The following MGAT4C variants were observed in gnomAD, a reference collection of about 807,000 sequenced individuals.
MGAT4C encodes the protein alpha-1,3-mannosyl-glycoprotein 4-beta-N-acetylglucosaminyltransferase C.
Under a neutral mutation model 40.1 loss-of-function variants are expected in MGAT4C, and 19 were observed. That is an observed-to-expected ratio of 0.47 (90% confidence interval 0.33 to 0.70). The LOEUF (loss-of-function observed/expected upper bound fraction) is 0.70. Among genes scored for constraint, MGAT4C ranks in the 30% least tolerant of loss-of-function variants. MGAT4C has a pLI of 0.02. For synonymous variants in MGAT4C, 181 were observed against 187.1 expected (o/e 0.97, Z 0.27); for missense variants, 491 against 563.2 (o/e 0.87, Z 1.30).
intron 1 of MGAT4C, among the ~76,000 whole-genome samples, chr12:86,763,895 G>C (rs551448922): frequency 6.6e-6 from 1 of 152,126 alleles, no homozygotes; most frequent in Non-Finnish European, 1.5e-5. Context: ...CAAGACGGCC[G>C]AATAGGAACA....
At chr12:86,333,974 C>A (rs1482006179) in intron 4 of MGAT4C, 1 of 152,078 alleles carries the variant, frequency 6.6e-6, no homozygotes, top group Non-Finnish European at 1.5e-5. Flanking sequence ...TCAAGACTAT[C>A]TCATTATATA....
intron 3 of MGAT4C, among the ~76,000 whole-genome samples, chr12:86,371,049 T>C (rs1384244210): frequency 6.6e-6 from 1 of 152,054 alleles, no homozygotes; most frequent in African/African-American, 2.4e-5. Flanking sequence ...GGAAATAAAA[T>C]TCATACTGAG....
At chr12:86,432,115 A>T (rs1957050670) in intron 3 of MGAT4C, among the ~76,000 whole-genome samples, 1 of 152,156 alleles carries the variant, frequency 6.6e-6, no homozygotes, top group South Asian at 2.1e-4. Flanking sequence ...ATACTATCTC[A>T]AAAAGAATTG....
intron 2 of MGAT4C, among the ~76,000 whole-genome samples, chr12:86,007,519 GT>G (rs1188433485): frequency 6.6e-6 from 1 of 151,986 alleles, no homozygotes; most frequent in Non-Finnish European, 1.5e-5. Flanking sequence ...TATAATGAAT[GT>G]GCCATTTAAA....
rs61950762 is a variant in MGAT4C at position 86,472,896 on chromosome 12, C to T, written c.-228-37631G>A. 5.4e-4 allele frequency among the ~76,000 whole-genome samples: 82 copies of T among 151,906 alleles called. 1 individual carries two copies. The highest frequency in any genetic ancestry group is 1.6e-3 in the African/African-American group (67 of 41,426). On this transcript the variant is annotated intron_variant, in intron 2 of 7. Transcript: ENST00000548651. ...CAGGAAGAATGTCTTATTGTTAGTA[C>T]GGAAGAGAAATAAAATGAGAAAGAG...
chr12:86,398,370 A>G (rs1414142955), intron 3 of MGAT4C, among the ~76,000 whole-genome samples: 1 of 152,176 alleles, frequency 6.6e-6, no homozygotes, highest in Non-Finnish European at 1.5e-5. Flanking sequence ...CCATCTCAAC[A>G]TGCTTAATTT....
At position 86,774,315 on chromosome 12, in the gene MGAT4C, C is replaced by CTTTCTTTCTTTCTTTCTT. The variant is rs1555227765; in HGVS notation, c.-261-47092_-261-47075dup. Among the ~76,000 whole-genome samples, 567 of 59,386 alleles carry CTTTCTTTCTTTCTTTCTT rather than the reference C, an allele frequency of 9.5e-3. 44 individuals carry two copies. Among genetic ancestry groups the CTTTCTTTCTTTCTTTCTT allele is most frequent in the Middle Eastern group, 0.036 (5 of 140 alleles). 39.0% of individuals were successfully genotyped at this position (59,386 alleles called of 152,430 possible). ...TCTTTCTTTCTTTCTTTCTTTCTTT[C>CTTTCTTTCTTTCTTTCTT]TTTCTTTCTTTCTTTCTTTCTTTCT... is the stretch of plus-strand genomic sequence containing the variant. On this transcript the variant is annotated intron_variant, in intron 1 of 7. Transcript: ENST00000548651.
At chr12:86,442,967 G>T (rs575674674) in intron 2 of MGAT4C, among the ~76,000 whole-genome samples, 1 of 151,974 alleles carries the variant, frequency 6.6e-6, no homozygotes, top group Non-Finnish European at 1.5e-5. Flanking sequence ...AGTTTTTAGC[G>T]ATAAGGTATT....
intron 2 of MGAT4C, among the ~76,000 whole-genome samples, chr12:86,437,645 T>C (rs192463248): frequency 1.3e-5 from 2 of 152,030 alleles, no homozygotes; most frequent in Non-Finnish European, 2.9e-5. Flanking sequence ...TAACCCTGCA[T>C]TGAATAAATT....
Position 86,439,463 on chromosome 12 carries a change from G to A in MGAT4C, c.-228-4198C>T, listed in dbSNP as rs1330899507. ...TGACACAAGTTATCAAAACCTCTGT[G>A]ATACTGCAAACGCAATGCTAAGAGG... On this transcript the variant is annotated intron_variant, in intron 2 of 7. Coordinates refer to the MGAT4C transcript ENST00000548651. Among the ~76,000 whole-genome samples the A allele has an allele frequency of 2.0e-5, 3 of 151,980 alleles. No individual in the cohort carries two copies. The East Asian group carries it at 5.8e-4, about 29-fold the overall frequency.
At chr12:86,587,693 T>A (rs1961117674) in intron 2 of MGAT4C, among the ~76,000 whole-genome samples, 1 of 151,884 alleles carries the variant, frequency 6.6e-6, no homozygotes, top group Non-Finnish European at 1.5e-5. Context: ...CCTAGGTATT[T>A]TATTCTCTTT....
At chr12:86,279,609 C>CT (rs1177760921) in intron 4 of MGAT4C, among the ~76,000 whole-genome samples, 4 of 149,738 alleles carry the variant, frequency 2.7e-5, no homozygotes, top group Admixed American at 6.6e-5. Context: ...TTTTGTTGAT[C>CT]TTTTTTATTG....
chr12:86,071,175 A>G (rs906936410), intron 1 of MGAT4C, among the ~76,000 whole-genome samples: 3 of 152,198 alleles, frequency 2.0e-5, no homozygotes, highest in Admixed American at 2.0e-4. Flanking sequence ...GAAGCTATTC[A>G]ATTTTTGGAG....
chr12:86,731,515 G>A (rs1411957652), intron 1 of MGAT4C, among the ~76,000 whole-genome samples: 1 of 151,660 alleles, frequency 6.6e-6, no homozygotes, highest in African/African-American at 2.4e-5. Context: ...AAATTCTTTT[G>A]CCCTTTTCTT....
intron 2 of MGAT4C, among the ~76,000 whole-genome samples, chr12:86,694,082 T>A (rs908188480): frequency 2.6e-5 from 4 of 152,218 alleles, no homozygotes; most frequent in Non-Finnish European, 5.9e-5. Context: ...CCACATGTAC[T>A]GTTTAGGAAT....
chr12:86,338,333 C>T (rs145185594), intron 3 of MGAT4C, among the ~76,000 whole-genome samples: 42 of 152,224 alleles, frequency 2.8e-4, no homozygotes, highest in African/African-American at 1.0e-3. Flanking sequence ...GTGGTTCCAG[C>T]TGATACATCA....
chr12:86,769,189 C>T (rs1951579268), intron 1 of MGAT4C, among the ~76,000 whole-genome samples: 1 of 152,032 alleles, frequency 6.6e-6, no homozygotes, highest in Non-Finnish European at 1.5e-5. Flanking sequence ...ACAAAAAACC[C>T]CATAAAAAAT....
chr12:86,478,196 C>A (rs1231538259), intron 2 of MGAT4C, among the ~76,000 whole-genome samples: 1 of 152,092 alleles, frequency 6.6e-6, no homozygotes, highest in African/African-American at 2.4e-5. Flanking sequence ...AGGTCAGAGG[C>A]CAGTCTAGCA....
Position 86,376,844 on chromosome 12 carries a change from C to G in MGAT4C, c.-119-42717G>C, listed in dbSNP as rs189023968. ...AGAGAGAGAGAGAGAGAGAGAGAGA[C>G]AGAGAGAGAGAGAGAGAGAGAGAGG... is the stretch of plus-strand genomic sequence containing the variant. On this transcript the variant is annotated intron_variant, in intron 3 of 7. Coordinates refer to the MGAT4C transcript ENST00000548651. Among the ~76,000 whole-genome samples, 964 of 102,644 alleles carry G rather than the reference C, an allele frequency of 9.4e-3. 6 individuals are homozygous for G. Among genetic ancestry groups the G allele is most frequent in the Middle Eastern group, 0.028 (5 of 178 alleles). The allele number at this position is 102,644 out of a possible 152,430, so 67.3% of individuals were successfully genotyped here.
Sources: gnomAD v4.1 joint callset for allele counts (sites outside exome capture counted in the v4.1 genomes callset) on GRCh38, gnomAD v4.1.1 for gene constraint, MANE v1.5 for transcripts, NCBI Gene and HGNC (gene_info 2026-07-23, HGNC 2026-07-21) for gene names.